COL4A3: variants seen among roughly 807,000 people sequenced by gnomAD.
COL4A3 encodes collagen type IV alpha 3 chain.
In COL4A3, 135 loss-of-function variants were observed where a neutral mutation model predicts 217.4. The observed-to-expected ratio is 0.62, with a 90% confidence interval of 0.54 to 0.72. The LOEUF is 0.72. Ranked by LOEUF, COL4A3 falls within the 30% of genes least tolerant of loss-of-function variation. The probability of loss-of-function intolerance (pLI) is 0.00; values close to 1 mark genes in which losing one functional copy is unlikely to be tolerated. For missense variants in COL4A3, 1,868 were observed against 2,119.9 expected, an observed-to-expected ratio of 0.88 and a Z score of 2.33; for synonymous variants, 690 against 736.3, an observed-to-expected ratio of 0.94 and a Z score of 1.02.
At chr2:227,174,933 T>A (rs2065624172) in intron 1 of COL4A3, among the ~76,000 whole-genome samples, 1 of 151,884 alleles carries the variant, frequency 6.6e-6, no homozygotes, top group African/African-American at 2.4e-5. Context: ...CATGATGGAG[T>A]TAGAAGGCAG....
intron 24 of COL4A3, 33 bp downstream of exon 24, chr2:227,270,013 A>C: frequency 6.4e-7 from 1 of 1,565,178 alleles, no homozygotes. Context: ...CTTTAGCTTC[A>C]ATTTGACAAA....
chr2:227,202,620 A>G (rs1239478662), intron 1 of COL4A3, among the ~76,000 whole-genome samples: 4 of 151,156 alleles, frequency 2.6e-5, no homozygotes, highest in Admixed American at 2.0e-4. Context: ...CTGTAGTCCC[A>G]GCTACTCGGG....
intron 1 of COL4A3, among the ~76,000 whole-genome samples, chr2:227,203,901 C>G (rs1307309120): frequency 6.6e-6 from 1 of 151,822 alleles, no homozygotes; most frequent in Non-Finnish European, 1.5e-5. Context: ...AAATATAAGC[C>G]TCTTAAGCAT....
At chr2:227,247,753 C>T (rs1024646074) in intron 8 of COL4A3, among the ~76,000 whole-genome samples, 169 bp downstream of exon 8, 4 of 152,070 alleles carry the variant, frequency 2.6e-5, no homozygotes, top group Admixed American at 2.0e-4. Context: ...TATTAAATAG[C>T]TCCTTCTGGC....
intron 37 of COL4A3, among the ~76,000 whole-genome samples, chr2:227,292,810 T>C (rs530325282): frequency 6.8e-4 from 103 of 152,328 alleles, no homozygotes; most frequent in African/African-American, 2.3e-3. Context: ...TGAAGCTCCA[T>C]GAAGGCAGGG....
intron 1 of COL4A3, among the ~76,000 whole-genome samples, chr2:227,213,669 C>T (rs1036354960): frequency 3.9e-5 from 6 of 151,952 alleles, no homozygotes; most frequent in African/African-American, 9.7e-5. Context: ...TTTGGGAGGC[C>T]GAGGTAGGCG....
At chr2:227,238,944 A>G (rs952955478) in intron 2 of COL4A3, among the ~76,000 whole-genome samples, 1 of 152,212 alleles carries the variant, frequency 6.6e-6, no homozygotes, top group African/African-American at 2.4e-5. Context: ...TAGGGTGTAT[A>G]AAAGTAACTG....
chr2:227,308,258 G>C (rs531654124), intron 48 of COL4A3, among the ~76,000 whole-genome samples: 16 of 151,940 alleles, frequency 1.1e-4, no homozygotes, highest in Admixed American at 1.0e-3. Context: ...CATCACCCAG[G>C]CTGGAGTGCA....
At position 227,280,690 on chromosome 2, in the gene COL4A3, C is replaced by G. The variant is rs563300524; in HGVS notation, c.2374+100C>G. ...TCTAGGCATGAAGAATTCTCCCATC[C>G]AATGTTCCTGCCCTACCTTTCTTCC... is the stretch of plus-strand genomic sequence containing the variant. On this transcript the variant is annotated intron_variant, in intron 30 of 51. Coordinates refer to ENST00000396578, the MANE Select transcript of COL4A3 (RefSeq NM_000091.5). 24 of 1,365,006 alleles carry G rather than the reference C, an allele frequency of 1.8e-5. No homozygotes were observed. The South Asian group carries it at 2.6e-4, about 15-fold the overall frequency. 84.6% of individuals were successfully genotyped at this position (1,365,006 alleles called of 1,614,324 possible). A position where few individuals can be genotyped will look rare whatever the true frequency, so the allele number is the denominator to read the frequency against.
chr2:227,265,592 T>C (rs1174716865), intron 21 of COL4A3, among the ~76,000 whole-genome samples: 1 of 152,166 alleles, frequency 6.6e-6, no homozygotes, highest in Non-Finnish European at 1.5e-5. Flanking sequence ...ACAACTCAAT[T>C]GATGTGGACA....
intron 1 of COL4A3, chr2:227,221,566 A>G (rs973474067): frequency 1.3e-5 from 2 of 151,932 alleles, no homozygotes; most frequent in Non-Finnish European, 2.9e-5. Flanking sequence ...TCAAGTCTTT[A>G]TTCCAAAAAT....
At chr2:227,177,594 T>TA (rs2065725776) in intron 1 of COL4A3, among the ~76,000 whole-genome samples, 2 of 152,358 alleles carry the variant, frequency 1.3e-5, no homozygotes, top group African/African-American at 4.8e-5. Flanking sequence ...AGTCCTCCCT[T>TA]ATCTGCTATT....
At chr2:227,245,206 A>ATAGGG (rs2125907493) in intron 5 of COL4A3, among the ~76,000 whole-genome samples, 2 of 152,192 alleles carry the variant, frequency 1.3e-5, no homozygotes, top group East Asian at 3.9e-4. Context: ...ACAGGATAGG[A>ATAGGG]TAGGGTAGGA....
chr2:227,172,442 C>T (rs2065513613), intron 1 of COL4A3, among the ~76,000 whole-genome samples: 2 of 152,024 alleles, frequency 1.3e-5, no homozygotes, highest in Admixed American at 6.6e-5. Context: ...CAAGGTAGTT[C>T]GGCGGGGGTG....
At position 227,306,537 on chromosome 2, in the gene COL4A3, C is replaced by G. The variant is rs990275088; in HGVS notation, c.4253-1173C>G. ...CCCCAATATATTAAAACCATGGCAA[C>G]TTGGATTTTTCAAGTAAGACATCAG... On this transcript the variant is annotated intron_variant, in intron 47 of 51. Coordinates refer to ENST00000396578, the MANE Select transcript of COL4A3 (RefSeq NM_000091.5). Among the ~76,000 whole-genome samples, 4 of 152,166 alleles carry G rather than the reference C, an allele frequency of 2.6e-5. No homozygotes were observed. In the East Asian group the frequency reaches 7.7e-4, roughly 29 times the overall value.
Position 227,283,776 on chromosome 2 carries a change from G to T in COL4A3, c.2666G>T (p.Gly889Val). Residue 889 changes from glycine (G) to valine (V), a missense_variant, in exon 33 of 52, where the codon GGA becomes GTA. Coordinates refer to ENST00000396578, the MANE Select transcript of COL4A3 (RefSeq NM_000091.5). ...PGILGPPGED[G>V]VIGMMGFPGA... is the part of the protein sequence containing the mutation. ...TAATTTGTTTCCATAGGTGAAGATGGAGTGATTGGGATGATGGGCTTTCCT... is the reference window on the plus strand; with the variant it reads ...TAATTTGTTTCCATAGGTGAAGATGTAGTGATTGGGATGATGGGCTTTCCT... 1.2e-6 allele frequency: 2 copies of T among 1,614,122 alleles called. No individual in the cohort carries two copies. The highest frequency in any genetic ancestry group is 1.7e-6 in the Non-Finnish European group (2 of 1,179,968).
At chr2:227,295,431 TA>T (rs2072988766) in intron 41 of COL4A3, 115 bp downstream of exon 41, 3 of 864,022 alleles carry the variant, frequency 3.5e-6, no homozygotes, top group Non-Finnish European at 5.9e-6. Flanking sequence ...GTTCCAATAG[TA>T]ATACAGGATA....
chr2:227,222,899 T>C (rs530812355), intron 1 of COL4A3, among the ~76,000 whole-genome samples: 1 of 152,320 alleles, frequency 6.6e-6, no homozygotes, highest in Admixed American at 6.5e-5. Context: ...TCCCACACCA[T>C]GCCCAGGAGT....
At chr2:227,310,718 T>A in intron 50 of COL4A3, 58 bp from the exon 51 acceptor site, 1 of 1,457,884 alleles carries the variant, frequency 6.9e-7, no homozygotes, top group Non-Finnish European at 9.6e-7. Context: ...AAGTAGAGAA[T>A]TGAAAATTTG....
Sources: gnomAD v4.1 joint callset for allele counts (sites outside exome capture counted in the v4.1 genomes callset) on GRCh38, gnomAD v4.1.1 for gene constraint, MANE v1.5 for transcripts, NCBI Gene and HGNC (gene_info 2026-07-23, HGNC 2026-07-21) for gene names.